Variants in SVIL observed in about 807,000 individuals in gnomAD.
The protein encoded by SVIL is supervillin.
A neutral mutation model predicts 240.4 loss-of-function variants in SVIL; 101 were observed. That is an observed-to-expected ratio of 0.42 (90% confidence interval 0.36 to 0.50). SVIL has a LOEUF of 0.50. Ranked by LOEUF, SVIL falls within the 20% of genes least tolerant of loss-of-function variation. SVIL has a pLI of 0.01. For synonymous variants in SVIL, 999 were observed against 1,100.0 expected (o/e 0.91, Z 1.82); for missense variants, 2,512 against 2,818.7 (o/e 0.89, Z 2.46).
At chr10:29,664,586 T>C (rs1959195175) in intron 2 of SVIL, among the ~76,000 whole-genome samples, 1 of 152,080 alleles carries the variant, frequency 6.6e-6, no homozygotes. Flanking sequence ...CTGTTGTTAT[T>C]TGAACATTTG....
At chr10:29,500,089 G>A (rs1948755765) in intron 17 of SVIL, among the ~76,000 whole-genome samples, 1 of 152,176 alleles carries the variant, frequency 6.6e-6, no homozygotes, top group African/African-American at 2.4e-5. Context: ...GAAAGGAGGA[G>A]GGGCTCAGGA....
intron 2 of SVIL, among the ~76,000 whole-genome samples, chr10:29,673,701 C>T (rs933623666): frequency 8.5e-5 from 13 of 152,140 alleles, no homozygotes; most frequent in East Asian, 3.9e-4. Context: ...TGGGGGAAAC[C>T]GCCTCCATGA....
rs372854224 is a variant in SVIL, at chr10:29,529,690, C to A, written c.2246+15G>T. 2 of 1,590,868 alleles carry A rather than the reference C, an allele frequency of 1.3e-6. No individual in the cohort carries two copies. The highest frequency in any genetic ancestry group is 2.7e-5 in the African/African-American group (2 of 73,258). On this transcript the variant is annotated intron_variant, in intron 12 of 37. Transcript: ENST00000355867. ...GACACTATAGACAAGGCTGAGAAGT[C>A]CTGTGGGCACTTACGTGGCTGCGAT... is the stretch of plus-strand genomic sequence containing the variant.
chr10:29,600,576 A>G (rs1455527099), intron 1 of SVIL, among the ~76,000 whole-genome samples: 1 of 152,182 alleles, frequency 6.6e-6, no homozygotes, highest in South Asian at 2.1e-4. Flanking sequence ...GTAAGAACTC[A>G]CCATTTTCTT....
intron 1 of SVIL, among the ~76,000 whole-genome samples, chr10:29,722,813 T>C (rs1964067040): frequency 1.3e-5 from 2 of 152,190 alleles, no homozygotes; most frequent in South Asian, 2.1e-4. Flanking sequence ...TACACACACA[T>C]AGGACCTCCA....
chr10:29,685,461 A>AT (rs1329770164), intron 2 of SVIL, among the ~76,000 whole-genome samples: 1 of 152,222 alleles, frequency 6.6e-6, no homozygotes, highest in African/African-American at 2.4e-5. Context: ...GCTGGGTCAA[A>AT]TGTTAATTCT....
At chr10:29,469,928 T>C (rs143473793) in intron 32 of SVIL, among the ~76,000 whole-genome samples, 12 of 152,308 alleles carry the variant, frequency 7.9e-5, no homozygotes, top group Non-Finnish European at 8.8e-5. Flanking sequence ...AAATTTGAAA[T>C]GTGCTCCCTT....
At chr10:29,533,608 C>T in intron 7 of SVIL, 150 bp from the exon 8 acceptor site, 2 of 1,360,934 alleles carry the variant, frequency 1.5e-6, no homozygotes, top group Non-Finnish European at 1.9e-6. Flanking sequence ...ATGTCAACTA[C>T]TTGTCAGATG....
At position 29,523,858 on chromosome 10, in the gene SVIL, T is replaced by C; in HGVS notation, c.2756A>G (p.Asp919Gly). 6.2e-7 allele frequency: 1 copy of C among 1,614,062 alleles called. No homozygotes were observed. The highest frequency in any genetic ancestry group is 8.5e-7 in the Non-Finnish European group (1 of 1,180,010). The change falls in exon 15 of 38, where the codon GAC (aspartate) becomes GGC (glycine). Residue 919 changes from aspartate to glycine, a missense_variant. Asp to Gly is a moderately conservative substitution (Grantham distance 94). Coordinates refer to ENST00000355867, the MANE Select transcript of SVIL (RefSeq NM_021738.3). ...YKFSSSIENSDSPVRSILKSQ... is the reference protein window; with the variant it reads ...YKFSSSIENSGSPVRSILKSQ... ...TTTCAGAATGCTTCTAACTGGAGAG[T>C]CCGAATTTTCTATTGAAGAAGAAAA... is the stretch of plus-strand genomic sequence containing the variant.
In SVIL at chr10:29,486,119, T is replaced by A; in HGVS notation, c.4745A>T (p.Lys1582Ile). The A allele has an allele frequency of 2.5e-6, 4 of 1,614,230 alleles. No individual in the cohort carries two copies. Among genetic ancestry groups the A allele is most frequent in the Non-Finnish European group, 3.4e-6 (4 of 1,180,042 alleles). Residue 1582 changes from lysine to isoleucine, a missense_variant, in exon 26 of 38, where the codon AAA (lysine) becomes ATA (isoleucine). Physicochemically the swap from Lys to Ile is moderately radical, Grantham distance 102. Transcript: ENST00000355867. ...KLVPDDDYWG[K>I]IPKCSLLQPK... Reference sequence around the variant, plus strand: ...TTGCAGAAGGGAGCACTTCGGAATTTTCCCCCAGTAGTCGTCATCAGGAAC... The same window carrying A: ...TTGCAGAAGGGAGCACTTCGGAATTATCCCCCAGTAGTCGTCATCAGGAAC...
chr10:29,720,121 C>CT (rs1304413552), intron 1 of SVIL, among the ~76,000 whole-genome samples: 1 of 152,148 alleles, frequency 6.6e-6, no homozygotes, highest in Non-Finnish European at 1.5e-5. Flanking sequence ...GGCAGGAAGA[C>CT]TGAGCCCAAG....
intron 3 of SVIL, among the ~76,000 whole-genome samples, chr10:29,646,226 A>T (rs528398964): frequency 6.6e-6 from 1 of 152,330 alleles, no homozygotes; most frequent in South Asian, 2.1e-4. Flanking sequence ...CCTGCCCTGC[A>T]ATCTGTGATC....
chr10:29,565,064 GA>G (rs1020545185), intron 2 of SVIL, among the ~76,000 whole-genome samples: 21 of 151,950 alleles, frequency 1.4e-4, no homozygotes, highest in Admixed American at 1.2e-3. Flanking sequence ...ATCTTTTCAG[GA>G]AAAAAAATTC....
Position 29,533,224 on chromosome 10 carries a change from C to A in SVIL, c.1143G>T (p.Thr381=), listed in dbSNP as rs556634251. Reference sequence around the variant, plus strand: ...CAGATGCATTTTCTGGGGTTTCTGGCGTCACTAGCTTGGCGGTGTGACCGG... The same window carrying A: ...CAGATGCATTTTCTGGGGTTTCTGGAGTCACTAGCTTGGCGGTGTGACCGG... ...ADTGHTAKLV[T]PETPENASEC... is the part of the protein sequence containing the mutation. Residue 381 remains threonine (T), a synonymous_variant, in exon 8 of 38, where the codon ACG becomes ACT. Coordinates refer to ENST00000355867, the MANE Select transcript of SVIL (RefSeq NM_021738.3). The A allele has an allele frequency of 3.7e-6, 6 of 1,613,982 alleles. No homozygotes were observed. In the South Asian group the frequency reaches 4.4e-5, roughly 12 times the overall value.
intron 1 of SVIL, among the ~76,000 whole-genome samples, chr10:29,620,832 C>T (rs1008270138): frequency 2.0e-5 from 3 of 152,028 alleles, no homozygotes; most frequent in Non-Finnish European, 2.9e-5. Context: ...TTGGCCAGGC[C>T]GGTCTCAAAC....
At chr10:29,555,834 C>A (rs1242238598) in intron 3 of SVIL, among the ~76,000 whole-genome samples, 1 of 152,202 alleles carries the variant, frequency 6.6e-6, no homozygotes, top group Non-Finnish European at 1.5e-5. Context: ...GAACTCACAG[C>A]CGCTTCTCCT....
At chr10:29,461,925 G>A (rs771253538) in intron 36 of SVIL, among the ~76,000 whole-genome samples, 14 of 152,146 alleles carry the variant, frequency 9.2e-5, no homozygotes, top group Non-Finnish European at 1.6e-4. Flanking sequence ...TTGGTTGTGC[G>A]TCACATGGAC....
upstream of SVIL, among the ~76,000 whole-genome samples, chr10:29,736,427 C>G (rs1964904605): frequency 6.6e-6 from 1 of 152,236 alleles, no homozygotes. Flanking sequence ...CCCGGAGATG[C>G]GGGGCTTTAG....
chr10:29,624,718 A>C (rs879698971), intron 1 of SVIL, among the ~76,000 whole-genome samples: 1 of 152,172 alleles, frequency 6.6e-6, no homozygotes. Flanking sequence ...ATCAATGCTC[A>C]TGTTAGCCAG....
Sources: allele counts gnomAD v4.1 joint callset (sites outside exome capture counted in the v4.1 genomes callset), GRCh38; gene constraint gnomAD v4.1.1; transcripts MANE v1.5; gene names NCBI Gene and HGNC (gene_info 2026-07-23, HGNC 2026-07-21).